The following GRID2 variants were observed in gnomAD, a reference collection of about 807,000 sequenced individuals.
The protein encoded by GRID2 is glutamate receptor ionotropic, delta-2.
A neutral mutation model predicts 114.8 loss-of-function variants in GRID2; 33 were observed. That is an observed-to-expected ratio of 0.29 (90% CI 0.22 to 0.38). The LOEUF (loss-of-function observed/expected upper bound fraction) is 0.38. GRID2 is among the 10% of genes least tolerant of loss of function. The pLI is 1.00. For synonymous variants in GRID2, 505 were observed against 449.9 expected, an observed-to-expected ratio of 1.12 and a Z score of -1.55; for missense variants, 1,184 against 1,257.7, an observed-to-expected ratio of 0.94 and a Z score of 0.89.
At chr4:93,301,197 G>A (rs553261221) in intron 8 of GRID2, among the ~76,000 whole-genome samples, 4 of 152,028 alleles carry the variant, frequency 2.6e-5, no homozygotes, top group African/African-American at 7.3e-5. Flanking sequence ...GGAAACAAAC[G>A]TTATCATTTT....
At chr4:93,779,973 T>G (rs545584992) in intron 1 of GRID2, among the ~76,000 whole-genome samples, 2 of 152,354 alleles carry the variant, frequency 1.3e-5, no homozygotes, top group East Asian at 3.9e-4. Context: ...GGCCCTGCTG[T>G]GTGCAAGACA....
chr4:92,981,712 G>A (rs1383630535), intron 2 of GRID2, among the ~76,000 whole-genome samples: 1 of 151,958 alleles, frequency 6.6e-6, no homozygotes, highest in Non-Finnish European at 1.5e-5. Context: ...ATTCCCAACA[G>A]TTCTGGAGAG....
intron 13 of GRID2, among the ~76,000 whole-genome samples, chr4:93,529,687 G>T (rs150679409): frequency 2.6e-5 from 4 of 152,186 alleles, no homozygotes; most frequent in Non-Finnish European, 4.4e-5. Flanking sequence ...GTGTGTGTGT[G>T]TGTTGAATGT....
rs1252501760 is a variant in GRID2 at position 92,938,628 on chromosome 4, T to C, written c.245-146367T>C. 1.4e-5 allele frequency among the ~76,000 whole-genome samples: 2 copies of C among 146,520 alleles called. 1 individual carries two copies. Among genetic ancestry groups the C allele is most frequent in the Non-Finnish European group, 3.0e-5 (2 of 66,286 alleles). Reference sequence around the variant, plus strand: ...GTGCACAATGTGCAGGTTTGTTACATATGTATACATGTACCATGTTGGCGT... The same window carrying C: ...GTGCACAATGTGCAGGTTTGTTACACATGTATACATGTACCATGTTGGCGT... On this transcript the variant is annotated intron_variant, in intron 2 of 15. Transcript: ENST00000282020.
chr4:92,580,624 T>G (rs1015179963), intron 1 of GRID2, among the ~76,000 whole-genome samples: 1 of 151,958 alleles, frequency 6.6e-6, no homozygotes, highest in Admixed American at 6.6e-5. Context: ...CTATATTATT[T>G]GTGTGCAAAA....
At chr4:93,690,599 T>C (rs944703169) in intron 14 of GRID2, among the ~76,000 whole-genome samples, 1 of 151,872 alleles carries the variant, frequency 6.6e-6, no homozygotes, top group Non-Finnish European at 1.5e-5. Flanking sequence ...TAGTAAACAA[T>C]TGAACCAGAA....
intron 1 of GRID2, among the ~76,000 whole-genome samples, chr4:92,541,142 G>T (rs1230707188): frequency 6.6e-6 from 1 of 152,026 alleles, no homozygotes; most frequent in Non-Finnish European, 1.5e-5. Context: ...GGGGCCTGTT[G>T]TAGGGTGGGG....
At chr4:92,988,981 T>C (rs962630592) in intron 2 of GRID2, among the ~76,000 whole-genome samples, 7 of 151,936 alleles carry the variant, frequency 4.6e-5, no homozygotes, top group Middle Eastern at 3.2e-3. Flanking sequence ...GATCTTTAAG[T>C]ATATATAAAA....
intron 1 of GRID2, among the ~76,000 whole-genome samples, chr4:93,781,182 T>A (rs1381561797): frequency 2.6e-5 from 4 of 152,192 alleles, no homozygotes; most frequent in Non-Finnish European, 5.9e-5. Flanking sequence ...GAATTGAGAA[T>A]CATTTGTTTT....
At chr4:93,445,745 G>A (rs552770631) in intron 10 of GRID2, among the ~76,000 whole-genome samples, 5 of 151,892 alleles carry the variant, frequency 3.3e-5, no homozygotes, top group African/African-American at 9.7e-5. Flanking sequence ...AAGCCCTGTC[G>A]AAATATTTAT....
chr4:92,541,777 G>C lies in GRID2; in HGVS notation c.89-48354G>C, dbSNP rs553219095. Among the ~76,000 whole-genome samples the C allele has an allele frequency of 3.3e-5, 5 of 151,806 alleles. No homozygotes were observed. The East Asian group carries it at 9.7e-4, about 29-fold the overall frequency. ...GTGAGAGTGGGCAATGATCCAGACA[G>C]ATATTTCTGGAAAAAAAAAATCTTA... On this transcript the variant is annotated intron_variant, in intron 1 of 15. Coordinates refer to ENST00000282020, the MANE Select transcript of GRID2 (RefSeq NM_001510.4).
intron 1 of GRID2, among the ~76,000 whole-genome samples, chr4:92,467,386 G>C (rs945432640): frequency 6.6e-6 from 1 of 151,808 alleles, no homozygotes; most frequent in South Asian, 2.1e-4. Flanking sequence ...ATGATACTTC[G>C]TTAATAACAC....
At chr4:92,822,022 C>A (rs1741318058) in intron 2 of GRID2, 1 of 178,848 alleles carries the variant, frequency 5.6e-6, no homozygotes, top group Non-Finnish European at 1.2e-5. Context: ...ACACTTGCAC[C>A]AGATTGTCTA....
intron 4 of GRID2, among the ~76,000 whole-genome samples, chr4:93,192,324 C>G (rs1447219241): frequency 1.3e-5 from 2 of 152,158 alleles, no homozygotes; most frequent in Non-Finnish European, 2.9e-5. Context: ...CTAACAAATA[C>G]ATTTTTCTCT....
chr4:93,686,907 C>G (rs1488526198), intron 14 of GRID2, among the ~76,000 whole-genome samples: 3 of 151,952 alleles, frequency 2.0e-5, no homozygotes, highest in Admixed American at 6.6e-5. Context: ...TGGTTTTACT[C>G]TGAGTGAAAC....
intron 2 of GRID2, among the ~76,000 whole-genome samples, chr4:92,914,745 G>T (rs1024556494): frequency 2.0e-5 from 3 of 152,126 alleles, no homozygotes; most frequent in South Asian, 4.2e-4. Flanking sequence ...CAAAAGACAC[G>T]GTCTCATTCT....
At chr4:92,945,954 G>A (rs1228258111) in intron 2 of GRID2, among the ~76,000 whole-genome samples, 1 of 152,034 alleles carries the variant, frequency 6.6e-6, no homozygotes, top group Non-Finnish European at 1.5e-5. Flanking sequence ...ATTAGCGCAT[G>A]CCTTTTTACA....
chr4:93,424,933 C>T (rs1226747183), intron 10 of GRID2, among the ~76,000 whole-genome samples: 1 of 152,070 alleles, frequency 6.6e-6, no homozygotes, highest in Non-Finnish European at 1.5e-5. Flanking sequence ...ATTCTGCCAC[C>T]TTCAAATTTT....
At chr4:92,520,797 T>C (rs1461800528) in intron 1 of GRID2, among the ~76,000 whole-genome samples, 10 of 151,964 alleles carry the variant, frequency 6.6e-5, no homozygotes, top group African/African-American at 2.4e-4. Context: ...TCCAGTTCAA[T>C]GGCATCATTG....
Sources: gnomAD v4.1 joint callset for allele counts (sites outside exome capture counted in the v4.1 genomes callset) on GRCh38, gnomAD v4.1.1 for gene constraint, MANE v1.5 for transcripts, NCBI Gene and HGNC (gene_info 2026-07-23, HGNC 2026-07-21) for gene names.